ALG14: variants seen among roughly 807,000 people sequenced by gnomAD.
ALG14 encodes the protein UDP-N-acetylglucosamine transferase subunit ALG14.
Under a neutral mutation model 22.8 loss-of-function variants are expected in ALG14, and 17 were observed. That is an observed-to-expected ratio of 0.75 (90% CI 0.51 to 1.12). The LOEUF is 1.12. ALG14 is among the 50% of genes most tolerant of loss of function. ALG14 has a pLI of 0.00. For synonymous variants in ALG14, 89 were observed against 103.7 expected, an observed-to-expected ratio of 0.86 and a Z score of 0.86; for missense variants, 288 against 271.8, an observed-to-expected ratio of 1.06 and a Z score of -0.42.
chr1:94,999,334 A>G (rs1392075999), intron 3 of ALG14, among the ~76,000 whole-genome samples: 2 of 147,668 alleles, frequency 1.4e-5, no homozygotes, highest in Non-Finnish European at 3.0e-5. Flanking sequence ...AAATATTTTC[A>G]GTAGACCCAT....
rs868182860 is a variant in ALG14, at chr1:95,020,518, C to T, written c.420+6611G>A. On this transcript the variant is annotated intron_variant, in intron 3 of 3. Transcript: ENST00000370205. ...CTTTGGGAGGCCGAGGCGGGCAGATCGCCTGAGGTCAGGAGTTTGAGACCA... is the reference window on the plus strand; with the variant it reads ...CTTTGGGAGGCCGAGGCGGGCAGATTGCCTGAGGTCAGGAGTTTGAGACCA... Among the ~76,000 whole-genome samples, 5 of 151,762 alleles carry T rather than the reference C, an allele frequency of 3.3e-5. No individual in the cohort carries two copies. In the South Asian group the frequency reaches 6.2e-4, roughly 19 times the overall value.
chr1:94,994,179 A>G (rs1672851501), intron 3 of ALG14, among the ~76,000 whole-genome samples: 1 of 152,210 alleles, frequency 6.6e-6, no homozygotes, highest in Non-Finnish European at 1.5e-5. Flanking sequence ...CTTTCAGTTG[A>G]GGAAACCGAA....
At chr1:95,010,966 T>C (rs1159172301) in intron 3 of ALG14, among the ~76,000 whole-genome samples, 3 of 152,158 alleles carry the variant, frequency 2.0e-5, no homozygotes, top group Admixed American at 6.6e-5. Context: ...AATAAAGATA[T>C]TGAATAAAGT....
rs368161591 is a variant in ALG14 at position 95,062,530 on chromosome 1, A to G, written c.288+2336T>C. Among the ~76,000 whole-genome samples the G allele has an allele frequency of 2.0e-4, 31 of 152,122 alleles. No homozygotes were observed. In the East Asian group the frequency reaches 4.2e-3, roughly 21 times the overall value. ...TATTCTCATTGTTCAGCTCCTACTT[A>G]TAAGTGAAAACGTGTAGTATTTAGT... On this transcript the variant is annotated intron_variant, in intron 2 of 3. Transcript: ENST00000370205.
intron 2 of ALG14, among the ~76,000 whole-genome samples, chr1:95,029,399 A>G (rs1158150473): frequency 6.6e-6 from 1 of 152,198 alleles, no homozygotes; most frequent in East Asian, 1.9e-4. Flanking sequence ...TCACATTTTG[A>G]TATTTCTGAT....
At chr1:95,009,464 C>A (rs1165278262) in intron 3 of ALG14, among the ~76,000 whole-genome samples, 1 of 152,026 alleles carries the variant, frequency 6.6e-6, no homozygotes. Context: ...AAAGAAGTCA[C>A]AATAATTGTG....
At chr1:95,039,312 G>A (rs1454471639) in intron 2 of ALG14, among the ~76,000 whole-genome samples, 1 of 152,158 alleles carries the variant, frequency 6.6e-6, no homozygotes, top group Non-Finnish European at 1.5e-5. Context: ...TAATTATGAA[G>A]AGAATGGACA....
At chr1:95,030,552 T>C (rs1673967146) in intron 2 of ALG14, among the ~76,000 whole-genome samples, 2 of 152,226 alleles carry the variant, frequency 1.3e-5, no homozygotes, top group South Asian at 2.1e-4. Flanking sequence ...ATCATGTTCC[T>C]TTAATTTTGT....
intron 3 of ALG14, among the ~76,000 whole-genome samples, chr1:94,984,470 G>A (rs1376001925): frequency 7.9e-5 from 12 of 152,344 alleles, no homozygotes. Flanking sequence ...GGCTCCACCA[G>A]GAGGTGTGAC....
intron 2 of ALG14, among the ~76,000 whole-genome samples, chr1:95,044,313 G>C (rs1391184784): frequency 6.6e-6 from 1 of 152,132 alleles, no homozygotes; most frequent in Non-Finnish European, 1.5e-5. Flanking sequence ...GTGTAAAACA[G>C]TATGATTGTG....
intron 3 of ALG14, among the ~76,000 whole-genome samples, chr1:94,984,991 T>C (rs1252228879): frequency 6.6e-6 from 1 of 152,188 alleles, no homozygotes; most frequent in African/African-American, 2.4e-5. Context: ...TTTTAGTATA[T>C]GTGCTGCCAA....
At chr1:95,014,663 C>T (rs1037614598) in intron 3 of ALG14, among the ~76,000 whole-genome samples, 1 of 152,096 alleles carries the variant, frequency 6.6e-6, no homozygotes, top group Non-Finnish European at 1.5e-5. Flanking sequence ...GTTAAAATTA[C>T]ATGTAAACTT....
At chr1:95,041,185 T>TCAA (rs1674365613) in intron 2 of ALG14, among the ~76,000 whole-genome samples, 1 of 152,186 alleles carries the variant, frequency 6.6e-6, no homozygotes, top group Non-Finnish European at 1.5e-5. Context: ...CCGGCCTCCT[T>TCAA]TCAAATTAGA....
chr1:95,011,971 G>C (rs1471202434), intron 3 of ALG14, among the ~76,000 whole-genome samples: 2 of 152,158 alleles, frequency 1.3e-5, no homozygotes, highest in Non-Finnish European at 2.9e-5. Flanking sequence ...TTGTGGGAGG[G>C]ACCCAGTGGG....
At chr1:95,044,666 C>T (rs533414763) in intron 2 of ALG14, among the ~76,000 whole-genome samples, 1 of 152,210 alleles carries the variant, frequency 6.6e-6, no homozygotes, top group South Asian at 2.1e-4. Context: ...TGCAATCTGC[C>T]CCCACAGCAC....
chr1:94,979,660 AAG>A lies in ALG14; in HGVS notation c.*3414_*3415del, dbSNP rs1672463270. ...GCAACCAATTATAATTGGGTAAAGA[AAG>A]AGTGAAAAAGCAAAAATGATCCCAA... On this transcript the variant is annotated 3_prime_UTR_variant, in exon 4 of 4. Coordinates refer to ENST00000370205, the MANE Select transcript of ALG14 (RefSeq NM_144988.4). 6.6e-6 allele frequency: 1 copy of A among 152,220 alleles called. No homozygotes were observed. Among genetic ancestry groups the A allele is most frequent in the Non-Finnish European group, 1.5e-5 (1 of 68,048 alleles). The allele number at this position is 152,220 out of a possible 1,614,324, so 9.4% of individuals were successfully genotyped here.
chr1:95,000,341 G>A (rs1321645849), intron 3 of ALG14, among the ~76,000 whole-genome samples: 1 of 151,770 alleles, frequency 6.6e-6, no homozygotes, highest in Non-Finnish European at 1.5e-5. Context: ...TTCAAGATCA[G>A]CCTGGGCAAC....
chr1:95,015,792 A>C lies in ALG14; in HGVS notation c.420+11337T>G, dbSNP rs201300089. On this transcript the variant is annotated intron_variant, in intron 3 of 3. Coordinates refer to ENST00000370205, the MANE Select transcript of ALG14 (RefSeq NM_144988.4). ...TAATCCTTGGTTGTTTCCATGCCTG[A>C]AGAGGCTCACTGTGGCATGAAAATC... 9.8e-5 allele frequency among the ~76,000 whole-genome samples: 15 copies of C among 152,342 alleles called. No homozygotes were observed. In the East Asian group the frequency reaches 2.7e-3, roughly 27 times the overall value.
intron 2 of ALG14, among the ~76,000 whole-genome samples, chr1:95,057,678 A>G (rs538210211): frequency 3.3e-5 from 5 of 150,994 alleles, no homozygotes; most frequent in Admixed American, 2.0e-4. Context: ...CCTATATATA[A>G]TATGAAAAAG....
Sources: gnomAD v4.1 joint callset for allele counts (sites outside exome capture counted in the v4.1 genomes callset) on GRCh38, gnomAD v4.1.1 for gene constraint, MANE v1.5 for transcripts, NCBI Gene and HGNC (gene_info 2026-07-23, HGNC 2026-07-21) for gene names.